The following HCN1 variants were observed in gnomAD, a reference collection of about 807,000 sequenced individuals.
HCN1 encodes potassium/sodium hyperpolarization-activated cyclic nucleotide-gated channel 1.
HCN1 carries 13 observed loss-of-function variants against 78.9 expected under a neutral mutation model. The ratio of observed to expected loss-of-function variants is 0.16; its 90% CI spans 0.11 to 0.26. The LOEUF (loss-of-function observed/expected upper bound fraction) is 0.26, where lower values mean the gene tolerates loss of function less well. Among genes scored for constraint, HCN1 ranks in the 10% least tolerant of loss-of-function variants. The probability of loss-of-function intolerance (pLI) is 1.00; values close to 1 mark genes in which losing one functional copy is unlikely to be tolerated. For synonymous variants in HCN1, 552 were observed against 455.5 expected, an observed-to-expected ratio of 1.21 and a Z score of -2.70; for missense variants, 810 against 1,154.3, an observed-to-expected ratio of 0.70 and a Z score of 4.32.
intron 1 of HCN1, among the ~76,000 whole-genome samples, chr5:45,681,059 A>T (rs1186833792): frequency 6.6e-6 from 1 of 151,998 alleles, no homozygotes; most frequent in Non-Finnish European, 1.5e-5. Flanking sequence ...GGGATCACAC[A>T]TTTCTCCTCT....
rs1744629328 is a variant in HCN1 at position 45,601,753 on chromosome 5, C to T, written c.849+43432G>A. On this transcript the variant is annotated intron_variant, in intron 2 of 7. Transcript: ENST00000303230. ...TAAAGAAAGCATTTATACGTTCTGA[C>T]AATGCATCTATATTTTCCAAATATT... Among the ~76,000 whole-genome samples, 3 of 152,126 alleles carry T rather than the reference C, an allele frequency of 2.0e-5. No individual in the cohort carries two copies. The South Asian group carries it at 6.2e-4, about 31-fold the overall frequency.
At chr5:45,286,221 C>T (rs921902267) in intron 6 of HCN1, among the ~76,000 whole-genome samples, 1 of 151,610 alleles carries the variant, frequency 6.6e-6, no homozygotes, top group African/African-American at 2.4e-5. Context: ...AAAATATATA[C>T]CTTATTAGAA....
intron 3 of HCN1, among the ~76,000 whole-genome samples, chr5:45,444,472 G>C (rs981156483): frequency 6.6e-6 from 1 of 152,018 alleles, no homozygotes; most frequent in Admixed American, 6.6e-5. Flanking sequence ...TAGTTAAAAT[G>C]AGCAGTATTT....
At chr5:45,585,313 A>G (rs1056861777) in intron 2 of HCN1, among the ~76,000 whole-genome samples, 2 of 152,096 alleles carry the variant, frequency 1.3e-5, no homozygotes, top group African/African-American at 4.8e-5. Flanking sequence ...CTTCCAGTTC[A>G]TCAAATCGGC....
chr5:45,603,191 T>C (rs1455240816), intron 2 of HCN1, among the ~76,000 whole-genome samples: 2 of 152,040 alleles, frequency 1.3e-5, no homozygotes, highest in East Asian at 3.9e-4. Context: ...TCTGATGCAG[T>C]CTGAATCCAT....
chr5:45,350,959 T>C (rs1414392157), intron 5 of HCN1, among the ~76,000 whole-genome samples: 3 of 152,232 alleles, frequency 2.0e-5, no homozygotes, highest in African/African-American at 4.8e-5. Flanking sequence ...CCCAAGGTAA[T>C]TTATAGATTC....
At chr5:45,510,452 A>G (rs1223314286) in intron 2 of HCN1, among the ~76,000 whole-genome samples, 3 of 152,100 alleles carry the variant, frequency 2.0e-5, no homozygotes, top group Non-Finnish European at 4.4e-5. Flanking sequence ...AGCTCCTACT[A>G]TAGAGTCCGG....
intron 1 of HCN1, among the ~76,000 whole-genome samples, chr5:45,658,390 G>A (rs973637999): frequency 1.3e-5 from 2 of 152,164 alleles, no homozygotes; most frequent in Non-Finnish European, 2.9e-5. Context: ...TGACAAATGG[G>A]ATCTAATTAA....
At chr5:45,302,898 C>T (rs1056428646) in intron 6 of HCN1, among the ~76,000 whole-genome samples, 2 of 151,986 alleles carry the variant, frequency 1.3e-5, no homozygotes, top group South Asian at 2.1e-4. Context: ...GTACCTTTTG[C>T]CTTCTGCCAT....
At chr5:45,426,527 A>G (rs1360963874) in intron 3 of HCN1, among the ~76,000 whole-genome samples, 1 of 152,112 alleles carries the variant, frequency 6.6e-6, no homozygotes, top group Admixed American at 6.5e-5. Context: ...TACAAAGGGG[A>G]GTTTCCCTGC....
At chr5:45,521,993 T>C (rs1198620614) in intron 2 of HCN1, among the ~76,000 whole-genome samples, 1 of 151,990 alleles carries the variant, frequency 6.6e-6, no homozygotes, top group East Asian at 1.9e-4. Context: ...ATTTAGTCAG[T>C]TTAAATCGTT....
At chr5:45,321,755 T>A (rs921263752) in intron 5 of HCN1, among the ~76,000 whole-genome samples, 12 of 151,908 alleles carry the variant, frequency 7.9e-5, no homozygotes, top group Non-Finnish European at 7.4e-5. Flanking sequence ...TGTGGGATTA[T>A]TTAAACATAC....
intron 6 of HCN1, among the ~76,000 whole-genome samples, chr5:45,302,590 T>C (rs1745649852): frequency 6.6e-6 from 1 of 151,712 alleles, no homozygotes; most frequent in Admixed American, 6.6e-5. Context: ...AATCAATTTC[T>C]AGGCATTTTT....
chr5:45,341,436 A>T (rs1384832808), intron 5 of HCN1, among the ~76,000 whole-genome samples: 1 of 152,222 alleles, frequency 6.6e-6, no homozygotes, highest in Non-Finnish European at 1.5e-5. Context: ...ATAAGAGTGG[A>T]GCTTTCAATG....
intron 6 of HCN1, among the ~76,000 whole-genome samples, chr5:45,302,259 C>T (rs1008617295): frequency 1.4e-5 from 2 of 142,564 alleles, no homozygotes; most frequent in African/African-American, 5.8e-5. Context: ...AGGGAGTTCT[C>T]AGGAGTTCTG....
intron 3 of HCN1, among the ~76,000 whole-genome samples, chr5:45,440,704 T>G (rs1023311900): frequency 2.0e-5 from 3 of 152,212 alleles, no homozygotes; most frequent in African/African-American, 7.2e-5. Context: ...AACCACTTAC[T>G]TGTTGTGTAC....
intron 4 of HCN1, among the ~76,000 whole-genome samples, chr5:45,383,710 C>G (rs1747858349): frequency 6.9e-6 from 1 of 144,058 alleles, no homozygotes; most frequent in South Asian, 2.2e-4. Context: ...GTGACAGAGA[C>G]AGATTCTGTT....
intron 2 of HCN1, among the ~76,000 whole-genome samples, chr5:45,490,007 T>C (rs1433361146): frequency 6.6e-6 from 1 of 152,230 alleles, no homozygotes. Context: ...CTGGGCATTC[T>C]GTATTTTACT....
intron 5 of HCN1, among the ~76,000 whole-genome samples, chr5:45,346,643 A>G (rs1338765731): frequency 2.0e-5 from 3 of 152,122 alleles, no homozygotes; most frequent in African/African-American, 7.2e-5. Flanking sequence ...CACCTGGAAA[A>G]TCGGGTCACT....
Sources: allele counts gnomAD v4.1 joint callset (sites outside exome capture counted in the v4.1 genomes callset), GRCh38; gene constraint gnomAD v4.1.1; transcripts MANE v1.5; gene names NCBI Gene and HGNC (gene_info 2026-07-23, HGNC 2026-07-21).